TPM3: variants seen among roughly 807,000 people sequenced by gnomAD.
TPM3 encodes tropomyosin 3, also known as tropomyosin alpha-3 chain.
A neutral mutation model predicts 43.1 loss-of-function variants in TPM3; 16 were observed. The observed-to-expected ratio is 0.37, with a 90% CI of 0.25 to 0.56. The LOEUF (loss-of-function observed/expected upper bound fraction) is 0.56, where lower values mean the gene tolerates loss of function less well. Among genes scored for constraint, TPM3 ranks in the 20% least tolerant of loss-of-function variants. The pLI, the probability that TPM3 is intolerant of heterozygous loss-of-function variation, is 0.77. For synonymous variants in TPM3, 101 were observed against 116.9 expected, an observed-to-expected ratio of 0.86 and a Z score of 0.88; for missense variants, 176 against 337.2, an observed-to-expected ratio of 0.52 and a Z score of 3.74.
At position 154,170,336 on chromosome 1, in the gene TPM3, T is replaced by G. The variant is rs1307214376; in HGVS notation, c.775+64A>C. On this transcript the variant is annotated intron_variant, in intron 8 of 9. Transcript: ENST00000651641. ...TCCTTTGGTGTACAGAAAAAGAGATTAATGGTTAATGGGCAGTCTTCCTCT... is the reference window on the plus strand; with the variant it reads ...TCCTTTGGTGTACAGAAAAAGAGATGAATGGTTAATGGGCAGTCTTCCTCT... 1.9e-6 allele frequency: 3 copies of G among 1,553,476 alleles called. No homozygotes were observed. In the East Asian group the frequency reaches 6.7e-5, roughly 35 times the overall value.
chr1:154,173,249 C>A, intron 3 of TPM3, 48 bp from the exon 4 acceptor site: 1 of 1,493,148 alleles, frequency 6.7e-7, no homozygotes, highest in South Asian at 1.1e-5. Flanking sequence ...AGGAGTGTGT[C>A]GTCAGCTCCA....
At chr1:154,190,346 A>G (rs1186800294) in intron 2 of TPM3, among the ~76,000 whole-genome samples, 1 of 152,250 alleles carries the variant, frequency 6.6e-6, no homozygotes, top group East Asian at 1.9e-4. Context: ...TGTTGGTAAG[A>G]TTCCTATGGT....
downstream of TPM3, chr1:154,157,792 T>TGCAGAGAAGC: frequency 1.3e-6 from 1 of 778,066 alleles, no homozygotes; most frequent in Non-Finnish European, 2.4e-6. Context: ...TCTTTGAGAC[T>TGCAGAGAAGC]TGCTCCTGTT....
chr1:154,178,937 G>C (rs145783938), intron 2 of TPM3, among the ~76,000 whole-genome samples: 1 of 152,106 alleles, frequency 6.6e-6, no homozygotes, highest in Non-Finnish European at 1.5e-5. Flanking sequence ...CAACACCTTC[G>C]GCTATCCTCC....
At chr1:154,187,440 AAGCTAACAAAGGGGAG>A in intron 2 of TPM3, 1 of 984,636 alleles carries the variant, frequency 1.0e-6, no homozygotes, top group South Asian at 4.7e-5. Flanking sequence ...TGACTTGGGA[AAGCTAACAAAGGGGAG>A]AGGGGTTGAA....
At chr1:154,172,865 G>T in intron 5 of TPM3, 43 bp downstream of exon 5, 1 of 1,609,880 alleles carries the variant, frequency 6.2e-7, no homozygotes, top group Non-Finnish European at 8.5e-7. Flanking sequence ...AAAGGGGAAG[G>T]GATAAATTGG....
At chr1:154,161,003 A>T (rs1441735607), downstream of TPM3, among the ~76,000 whole-genome samples, 1 of 151,998 alleles carries the variant, frequency 6.6e-6, no homozygotes, top group African/African-American at 2.4e-5. Flanking sequence ...CTGAACTCCT[A>T]GGGCTCAAGC....
At chr1:154,183,165 G>A (rs757964432) in intron 2 of TPM3, 1 of 1,596,916 alleles carries the variant, frequency 6.3e-7, no homozygotes, top group Non-Finnish European at 8.5e-7. Context: ...TGCCTCCTCC[G>A]CTCGGCGTTG....
At chr1:154,160,762 A>AG (rs1558027237), downstream of TPM3, among the ~76,000 whole-genome samples, 1 of 152,218 alleles carries the variant, frequency 6.6e-6, no homozygotes, top group Non-Finnish European at 1.5e-5. Context: ...AACACTATAC[A>AG]GGCTGAGAAC....
At chr1:154,185,705 G>A (rs1663386357) in intron 2 of TPM3, among the ~76,000 whole-genome samples, 1 of 148,732 alleles carries the variant, frequency 6.7e-6, no homozygotes, top group Non-Finnish European at 1.5e-5. Flanking sequence ...GTGAGACACA[G>A]TCTGAAAAAA....
chr1:154,189,798 C>CA (rs1167349462), intron 2 of TPM3, among the ~76,000 whole-genome samples: 4,640 of 42,092 alleles, frequency 0.11, 286 homozygotes, highest in African/African-American at 0.24. Flanking sequence ...AACCCTGTCT[C>CA]AAAAAAAAAA....
At chr1:154,161,437 C>CTTTTT (rs966387714), downstream of TPM3, among the ~76,000 whole-genome samples, 6 of 113,420 alleles carry the variant, frequency 5.3e-5, no homozygotes, top group African/African-American at 1.1e-4. Flanking sequence ...TATCAGGATC[C>CTTTTT]TTTTTTTTTT....
At position 154,167,042 on chromosome 1, in the gene TPM3, T is replaced by G. The variant is rs188005755; in HGVS notation, c.*895A>C. ...TCCACAATATGAACCAAGGAAAATT[T>G]TACTAGCAGAAATTTATGTATGTAA... On this transcript the variant is annotated 3_prime_UTR_variant, in exon 10 of 10. Transcript: ENST00000651641. 1.3e-5 allele frequency among the ~76,000 whole-genome samples: 2 copies of G among 152,324 alleles called. No homozygotes were observed. Among genetic ancestry groups the G allele is most frequent in the Admixed American group, 1.3e-4 (2 of 15,284 alleles).
At chr1:154,188,674 C>CAAA (rs572467862) in intron 2 of TPM3, among the ~76,000 whole-genome samples, 7 of 59,496 alleles carry the variant, frequency 1.2e-4, no homozygotes, top group Non-Finnish European at 2.1e-4. Context: ...GACTCCGTCT[C>CAAA]AAAAAAAAAA....
chr1:154,183,385 A>AC lies in TPM3; in HGVS notation c.244-7138dup, dbSNP rs577984810. 10 of 1,234,954 alleles carry AC rather than the reference A, an allele frequency of 8.1e-6. No homozygotes were observed. In the South Asian group the frequency reaches 1.5e-4, roughly 19 times the overall value. The allele number at this position is 1,234,954 out of a possible 1,614,324, so 76.5% of individuals were successfully genotyped here. A position where few individuals can be genotyped will look rare whatever the true frequency, so the allele number is the denominator to read the frequency against. On this transcript the variant is annotated intron_variant, in intron 2 of 9. Transcript: ENST00000651641. Reference sequence around the variant, plus strand: ...CCTTACCTTGGGCCAGTAAACTGGGACGGGGTTGGGACGAGGGAGTGTTAC... The same window carrying AC: ...CCTTACCTTGGGCCAGTAAACTGGGACCGGGGTTGGGACGAGGGAGTGTTAC...
intron 3 of TPM3, among the ~76,000 whole-genome samples, chr1:154,173,748 G>A (rs1245299021): frequency 1.3e-5 from 2 of 152,022 alleles, no homozygotes; most frequent in African/African-American, 4.8e-5. Flanking sequence ...CCAGTACTTT[G>A]AGAGGTCAAG....
At chr1:154,191,056 T>G in intron 2 of TPM3, 130 bp downstream of exon 2, 3 of 1,430,930 alleles carry the variant, frequency 2.1e-6, no homozygotes, top group Admixed American at 1.7e-5. Flanking sequence ...TGTGGTTATA[T>G]GCAAAAATGT....
chr1:154,183,465 CA>C, intron 2 of TPM3: 1 of 513,812 alleles, frequency 1.9e-6, no homozygotes, highest in Non-Finnish European at 3.3e-6. Context: ...GCTGGCTGCC[CA>C]CAATGGTTGG....
At chr1:154,181,737 T>G (rs1466425269) in intron 2 of TPM3, among the ~76,000 whole-genome samples, 1 of 152,128 alleles carries the variant, frequency 6.6e-6, no homozygotes, top group Admixed American at 6.5e-5. Flanking sequence ...CTGGCCAACA[T>G]GGCGAAACCC....
Sources: gnomAD v4.1 joint callset for allele counts (sites outside exome capture counted in the v4.1 genomes callset) on GRCh38, gnomAD v4.1.1 for gene constraint, MANE v1.5 for transcripts, NCBI Gene and HGNC (gene_info 2026-07-23, HGNC 2026-07-21) for gene names.